The following DNAH11 variants were observed in gnomAD, a reference collection of about 807,000 sequenced individuals.
DNAH11 encodes the protein dynein axonemal heavy chain 11, also known as axonemal beta dynein heavy chain 11.
DNAH11 carries 442 observed loss-of-function variants against 526.0 expected under a neutral mutation model. That is an observed-to-expected ratio of 0.84 (90% confidence interval 0.78 to 0.91). DNAH11 has a LOEUF of 0.91. Among genes scored for constraint, DNAH11 ranks in the 40% least tolerant of loss-of-function variants. The pLI is 0.00. For synonymous variants in DNAH11, 2,461 were observed against 1,935.9 expected (o/e 1.27, Z -7.12); for missense variants, 6,989 against 5,448.7 (o/e 1.28, Z -8.90).
intron 66 of DNAH11, 111 bp from the exon 67 acceptor site, chr7:21,852,356 A>C: frequency 8.6e-7 from 1 of 1,163,144 alleles, no homozygotes; most frequent in Non-Finnish European, 1.2e-6. Context: ...GCAGTGAGCC[A>C]AGATCATACC....
rs548747979 is a variant in DNAH11 at position 21,745,322 on chromosome 7, T to G, written c.8510+259T>G. 1.3e-5 allele frequency among the ~76,000 whole-genome samples: 2 copies of G among 152,328 alleles called. 1 individual carries two copies. The highest frequency in any genetic ancestry group is 3.9e-4 in the East Asian group (2 of 5,188). ...TTAAGAAAGTGGAAACATAAATTAC[T>G]TGTTCAAAGTCACATAGTTCATAAG... On this transcript the variant is annotated intron_variant, in intron 51 of 81. Transcript: ENST00000409508.
intron 3 of DNAH11, 123 bp downstream of exon 3, chr7:21,559,121 C>G: frequency 1.4e-6 from 1 of 727,648 alleles, no homozygotes; most frequent in Non-Finnish European, 2.2e-6. Flanking sequence ...CCCAGGAGTT[C>G]AAGACTAGCC....
chr7:21,706,031 C>G (rs886964011), intron 39 of DNAH11, among the ~76,000 whole-genome samples: 8 of 152,214 alleles, frequency 5.3e-5, no homozygotes, highest in Admixed American at 3.9e-4. Flanking sequence ...GAAAAACAAA[C>G]CGAAATATTT....
chr7:21,721,780 G>T (rs140150500), intron 44 of DNAH11, among the ~76,000 whole-genome samples: 31 of 152,176 alleles, frequency 2.0e-4, no homozygotes, highest in Middle Eastern at 6.8e-3. Context: ...TGTGGGAGGG[G>T]GGATCACAAT....
intron 61 of DNAH11, among the ~76,000 whole-genome samples, chr7:21,790,229 G>A (rs1009995750): frequency 5.3e-5 from 8 of 152,020 alleles, no homozygotes; most frequent in South Asian, 2.1e-4. Flanking sequence ...GGCAGATCAC[G>A]ACATCAGGAG....
intron 35 of DNAH11, among the ~76,000 whole-genome samples, chr7:21,692,237 G>A (rs770556794): frequency 6.6e-6 from 1 of 152,116 alleles, no homozygotes; most frequent in African/African-American, 2.4e-5. Context: ...AAAACATTCA[G>A]GTATAATTTA....
intron 2 of DNAH11, among the ~76,000 whole-genome samples, chr7:21,551,470 T>C (rs1005285579): frequency 2.6e-5 from 4 of 152,176 alleles, no homozygotes; most frequent in Non-Finnish European, 5.9e-5. Flanking sequence ...TCTGTCCAGA[T>C]TTTTCCAAAA....
intron 44 of DNAH11, among the ~76,000 whole-genome samples, 175 bp from the exon 45 acceptor site, chr7:21,725,636 G>A (rs534359050): frequency 2.0e-5 from 3 of 152,276 alleles, no homozygotes; most frequent in Non-Finnish European, 2.9e-5. Flanking sequence ...GTAATCTGGC[G>A]TTCACCTAAC....
At chr7:21,615,400 C>T (rs1352871074) in intron 21 of DNAH11, 128 bp downstream of exon 21, 7 of 996,024 alleles carry the variant, frequency 7.0e-6, no homozygotes, top group Non-Finnish European at 9.7e-6. Flanking sequence ...GATCCTCACC[C>T]CAGCCCCAAA....
intron 51 of DNAH11, 24 bp downstream of exon 51, chr7:21,745,087 T>G (rs772238438): frequency 1.9e-6 from 3 of 1,585,122 alleles, no homozygotes; most frequent in Non-Finnish European, 2.6e-6. Flanking sequence ...TCACGATGCT[T>G]TTCCACAAAA....
chr7:21,886,541 C>T (rs1277729989), intron 76 of DNAH11, among the ~76,000 whole-genome samples: 3 of 152,120 alleles, frequency 2.0e-5, no homozygotes, highest in Non-Finnish European at 4.4e-5. Context: ...GAAGTCACTC[C>T]TCAGGAAAGG....
intron 75 of DNAH11, among the ~76,000 whole-genome samples, chr7:21,883,023 G>C (rs950298156): frequency 4.6e-5 from 7 of 152,198 alleles, no homozygotes; most frequent in African/African-American, 1.7e-4. Flanking sequence ...TTGGAAGGTA[G>C]TCCATGCAGT....
At chr7:21,725,140 A>T (rs1785047775) in intron 44 of DNAH11, among the ~76,000 whole-genome samples, 1 of 152,232 alleles carries the variant, frequency 6.6e-6, no homozygotes, top group African/African-American at 2.4e-5. Context: ...GTTCCTTGCC[A>T]ATATAAATCT....
chr7:21,757,840 C>T (rs183901003), intron 54 of DNAH11, among the ~76,000 whole-genome samples: 32 of 152,262 alleles, frequency 2.1e-4, no homozygotes, highest in Admixed American at 1.1e-3. Flanking sequence ...TTAGTGGTAA[C>T]GCAAGTAATT....
At chr7:21,571,283 T>C (rs1783877955) in intron 7 of DNAH11, among the ~76,000 whole-genome samples, 1 of 152,128 alleles carries the variant, frequency 6.6e-6, no homozygotes, top group African/African-American at 2.4e-5. Context: ...AGATAGTTTT[T>C]GTTTTCTTTT....
At position 21,708,012 on chromosome 7, in the gene DNAH11, A is replaced by G. The variant is rs2074759; in HGVS notation, c.6683+177A>G. On this transcript the variant is annotated intron_variant, in intron 40 of 81. Transcript: ENST00000409508. ...ATAAATTAAGACTAGATTTGAATAA[A>G]TACTTGATTTGCATTCAGCAGATTT... is the stretch of plus-strand genomic sequence containing the variant. Among the ~76,000 whole-genome samples, 62,517 of 152,134 alleles carry G rather than the reference A, an allele frequency of 0.41. 17,696 individuals are homozygous for G. Among genetic ancestry groups the G allele is most frequent in the African/African-American group, 0.76 (31,674 of 41,498 alleles).
chr7:21,599,002 G>A (rs1784969656), intron 14 of DNAH11, among the ~76,000 whole-genome samples: 1 of 152,154 alleles, frequency 6.6e-6, no homozygotes, highest in Non-Finnish European at 1.5e-5. Context: ...AGGCACTTAG[G>A]TTGATTCCAT....
At chr7:21,823,994 A>G (rs1226124844) in intron 65 of DNAH11, among the ~76,000 whole-genome samples, 1 of 152,154 alleles carries the variant, frequency 6.6e-6, no homozygotes, top group Non-Finnish European at 1.5e-5. Flanking sequence ...GCAGTCTGCT[A>G]AGAGATTCCT....
rs762673009 is a variant in DNAH11, at chr7:21,704,420, GT to G, written c.6274-5del. 36 of 1,582,978 alleles carry G rather than the reference GT, an allele frequency of 2.3e-5. No individual in the cohort carries two copies. The highest frequency in any genetic ancestry group is 1.4e-4 in the Admixed American group (8 of 56,898). The stretch of plus-strand genomic sequence containing the variant: ...CCTTGTATTGGCTTTTTTATAAAAT[GT>G]TTTTTTTTCTAGGTACTCATGAGAG... On this transcript the variant is annotated splice_polypyrimidine_tract_variant and intron_variant, in intron 37 of 81. Coordinates refer to ENST00000409508, the MANE Select transcript of DNAH11 (RefSeq NM_001277115.2).
Sources: allele counts gnomAD v4.1 joint callset (sites outside exome capture counted in the v4.1 genomes callset), GRCh38; gene constraint gnomAD v4.1.1; transcripts MANE v1.5; gene names NCBI Gene and HGNC (gene_info 2026-07-23, HGNC 2026-07-21).